The following ARHGAP6 variants were observed in gnomAD, a reference collection of about 807,000 sequenced individuals.
The protein encoded by ARHGAP6 is Rho GTPase activating protein 6, also known as rho GTPase-activating protein 6.
A neutral mutation model predicts 55.7 loss-of-function variants in ARHGAP6; 16 were observed. That is an observed-to-expected ratio of 0.29 (90% confidence interval 0.19 to 0.44). The LOEUF is 0.44. ARHGAP6 is among the 20% of genes least tolerant of loss of function. ARHGAP6 has a pLI of 1.00. For missense variants in ARHGAP6, 698 were observed against 808.9 expected (o/e 0.86, Z 1.66); for synonymous variants, 382 against 360.9 (o/e 1.06, Z -0.66).
chrX:11,193,781 C>T (rs1409112665), intron 3 of ARHGAP6, among the ~76,000 whole-genome samples: 3 of 112,351 alleles, frequency 2.7e-5, no homozygotes, highest in South Asian at 7.3e-4. Context: ...ATGTATTGTT[C>T]GATTACTTCC....
At chrX:11,625,286 A>AGT (rs56128798) in intron 1 of ARHGAP6, among the ~76,000 whole-genome samples, 17,226 of 97,906 alleles carry the variant, frequency 0.18, 1,207 homozygotes, top group Admixed American at 0.24. Context: ...GAAAATGTGG[A>AGT]GTGTGTGTGT....
chrX:11,364,869 C>T (rs995043734), intron 1 of ARHGAP6, among the ~76,000 whole-genome samples: 1 of 110,851 alleles, frequency 9.0e-6, no homozygotes, highest in African/African-American at 3.3e-5. Context: ...GCTGTGCTGT[C>T]TCAGGTCCGG....
chrX:11,315,992 T>C (rs1402975600), intron 1 of ARHGAP6, among the ~76,000 whole-genome samples: 1 of 112,063 alleles, frequency 8.9e-6, no homozygotes, highest in Non-Finnish European at 1.9e-5. Flanking sequence ...CAATAGCAAC[T>C]CAATTTTTCC....
At chrX:11,613,369 G>A (rs773066049) in intron 1 of ARHGAP6, among the ~76,000 whole-genome samples, 68 of 112,383 alleles carry the variant, frequency 6.1e-4, no homozygotes, top group Non-Finnish European at 1.1e-3. Context: ...GATGAATAAA[G>A]CAAATACAAA....
intron 1 of ARHGAP6, among the ~76,000 whole-genome samples, chrX:11,343,193 G>T (rs966261842): frequency 2.7e-5 from 3 of 112,331 alleles, no homozygotes; most frequent in Non-Finnish European, 5.6e-5. Context: ...TACACATCAG[G>T]AAACAGAAAA....
intron 1 of ARHGAP6, among the ~76,000 whole-genome samples, chrX:11,357,251 G>A (rs1383697274): frequency 4.5e-5 from 5 of 111,719 alleles, no homozygotes; most frequent in Non-Finnish European, 9.4e-5. Flanking sequence ...GAATTGGGAA[G>A]TCATTTTCCT....
intron 1 of ARHGAP6, among the ~76,000 whole-genome samples, chrX:11,515,302 T>C (rs1219816871): frequency 8.9e-6 from 1 of 112,416 alleles, no homozygotes; most frequent in Non-Finnish European, 1.9e-5. Flanking sequence ...ACACATAAGT[T>C]TGTGAAATCA....
intron 1 of ARHGAP6, among the ~76,000 whole-genome samples, chrX:11,354,315 C>CTATA (rs1569311523): frequency 1.5e-5 from 1 of 67,567 alleles, no homozygotes; most frequent in African/African-American, 6.0e-5. Context: ...CTCTCTCTCT[C>CTATA]TCTCTCTCTC....
At chrX:11,604,014 G>A (rs759840682) in intron 1 of ARHGAP6, among the ~76,000 whole-genome samples, 4 of 111,519 alleles carry the variant, frequency 3.6e-5, no homozygotes, top group Non-Finnish European at 3.8e-5. Context: ...CATCTGTTTC[G>A]TGAAGCCCAG....
chrX:11,192,324 T>C, intron 3 of ARHGAP6, among the ~76,000 whole-genome samples: 1 of 111,497 alleles, frequency 9.0e-6, no homozygotes, highest in Non-Finnish European at 1.9e-5. Flanking sequence ...CATTTACTTC[T>C]CTCCACTTCC....
chrX:11,293,774 T>C (rs1443593818), intron 1 of ARHGAP6, among the ~76,000 whole-genome samples: 43 of 112,295 alleles, frequency 3.8e-4, no homozygotes, highest in Non-Finnish European at 3.8e-5. Context: ...ATCTACTACT[T>C]TGAAAAGCTT....
At chrX:11,504,554 T>G (rs1180357466) in intron 1 of ARHGAP6, among the ~76,000 whole-genome samples, 1 of 112,060 alleles carries the variant, frequency 8.9e-6, no homozygotes, top group African/African-American at 3.2e-5. Flanking sequence ...AACCCTCATA[T>G]CTAAACTTGT....
intron 1 of ARHGAP6, among the ~76,000 whole-genome samples, chrX:11,367,565 A>T (rs2049097500): frequency 8.9e-6 from 1 of 112,526 alleles, no homozygotes; most frequent in African/African-American, 3.2e-5. Context: ...GGATATTTAA[A>T]GTTTTAAGTG....
At chrX:11,146,939 A>G (rs780429966) in intron 10 of ARHGAP6, among the ~76,000 whole-genome samples, 3 of 111,726 alleles carry the variant, frequency 2.7e-5, no homozygotes, top group Non-Finnish European at 5.6e-5. Flanking sequence ...CTAAGAACCT[A>G]TGTCCAAGAA....
intron 2 of ARHGAP6, among the ~76,000 whole-genome samples, chrX:11,215,455 G>A (rs1486158925): frequency 8.8e-6 from 1 of 113,305 alleles, no homozygotes; most frequent in Non-Finnish European, 1.9e-5. Flanking sequence ...GCCAGGACAG[G>A]AGGGGATGCT....
Position 11,414,235 on chromosome X carries a change from T to C in ARHGAP6, c.589-159528A>G, listed in dbSNP as rs907853466. Among the ~76,000 whole-genome samples, 3 of 112,517 alleles carry C rather than the reference T, an allele frequency of 2.7e-5. No homozygotes were observed. In the Admixed American group the frequency reaches 2.8e-4, roughly 11 times the overall value. On this transcript the variant is annotated intron_variant, in intron 1 of 12. Transcript: ENST00000337414. The stretch of plus-strand genomic sequence containing the variant: ...AGTTCATTGCAACCAACCACTGAAC[T>C]CTGCTATCATAGTGTGAAAGCAGCC...
chrX:11,327,936 C>A (rs5935006), intron 1 of ARHGAP6, among the ~76,000 whole-genome samples: 2,651 of 80,069 alleles, frequency 0.033, 28 homozygotes, highest in Middle Eastern at 0.11. Context: ...TTTAAAGGTA[C>A]TTTACAGGTA....
At chrX:11,516,384 C>G (rs1321269439) in intron 1 of ARHGAP6, among the ~76,000 whole-genome samples, 1 of 111,992 alleles carries the variant, frequency 8.9e-6, no homozygotes, top group African/African-American at 3.2e-5. Flanking sequence ...AACTGAAACT[C>G]TATTCCCATT....
intron 1 of ARHGAP6, among the ~76,000 whole-genome samples, chrX:11,382,798 G>C (rs902312004): frequency 9.0e-6 from 1 of 111,233 alleles, no homozygotes; most frequent in African/African-American, 3.3e-5. Context: ...AAAGTACCAA[G>C]GAAACCAAAA....
Sources: allele counts gnomAD v4.1 joint callset (sites outside exome capture counted in the v4.1 genomes callset), GRCh38; gene constraint gnomAD v4.1.1; transcripts MANE v1.5; gene names NCBI Gene and HGNC (gene_info 2026-07-23, HGNC 2026-07-21).